MON2: variants seen among roughly 807,000 people sequenced by gnomAD.
The protein encoded by MON2 is protein MON2 homolog.
MON2 carries 84 observed loss-of-function variants against 208.6 expected under a neutral mutation model. The observed-to-expected ratio is 0.40, with a 90% CI of 0.34 to 0.48. The LOEUF is 0.48. MON2 is among the 20% of genes least tolerant of loss of function. The pLI, the probability that MON2 is intolerant of heterozygous loss-of-function variation, is 0.59. For synonymous variants in MON2, 660 were observed against 694.0 expected, an observed-to-expected ratio of 0.95 and a Z score of 0.77; for missense variants, 1,611 against 2,015.4, an observed-to-expected ratio of 0.80 and a Z score of 3.84.
intron 23 of MON2, among the ~76,000 whole-genome samples, chr12:62,550,514 C>G (rs1209021628): frequency 3.3e-5 from 5 of 152,042 alleles, no homozygotes; most frequent in Non-Finnish European, 7.4e-5. Flanking sequence ...AGACCCAGAC[C>G]TTGTCTCTGT....
chr12:62,488,270 G>A (rs980264327), intron 2 of MON2, among the ~76,000 whole-genome samples: 3 of 152,146 alleles, frequency 2.0e-5, no homozygotes, highest in Non-Finnish European at 4.4e-5. Flanking sequence ...TTGTTATGGG[G>A]ACATAAGGAA....
intron 11 of MON2, among the ~76,000 whole-genome samples, chr12:62,530,659 T>C (rs1323064700): frequency 6.6e-6 from 1 of 152,238 alleles, no homozygotes; most frequent in African/African-American, 2.4e-5. Context: ...TGGGTTATTT[T>C]CACTTTTGTT....
Position 62,486,244 on chromosome 12 carries a change from A to T in MON2, c.175+2011A>T, listed in dbSNP as rs189986245. Among the ~76,000 whole-genome samples, 388 of 151,910 alleles carry T rather than the reference A, an allele frequency of 2.6e-3. 2 individuals are homozygous for T. The highest frequency in any genetic ancestry group is 8.8e-3 in the African/African-American group (366 of 41,492). ...TTTTTATTGGTTTTATAGTTTGTGG[A>T]AGACTTTTTTTAAAAAAAGACTGAT... On this transcript the variant is annotated intron_variant, in intron 2 of 34. Transcript: ENST00000393630.
intron 1 of MON2, among the ~76,000 whole-genome samples, chr12:62,469,711 C>T (rs376037678): frequency 9.9e-5 from 15 of 151,940 alleles, no homozygotes; most frequent in East Asian, 7.7e-4. Context: ...CAGATTTTGG[C>T]TTTTGTTCTT....
At chr12:62,586,729 C>G (rs2075231335) in intron 33 of MON2, among the ~76,000 whole-genome samples, 1 of 151,972 alleles carries the variant, frequency 6.6e-6, no homozygotes, top group South Asian at 2.1e-4. Context: ...CTGAAGTATA[C>G]TTGGAAATGT....
At chr12:62,499,138 T>C in intron 5 of MON2, 90 bp downstream of exon 5, 1 of 1,322,420 alleles carries the variant, frequency 7.6e-7, no homozygotes, top group Non-Finnish European at 1.0e-6. Context: ...ATGATCAACA[T>C]TATTATGTCT....
At position 62,500,793 on chromosome 12, in the gene MON2, A is replaced by C; in HGVS notation, c.576A>C (p.Glu192Asp). ...AEDERHRDII[E>D]QPVLVQGNSN... is the part of the protein sequence containing the mutation. ...CTGTTTTGATTGCAGATATTATAGA[A>C]CAACCAGTACTGGTACAAGGAAATA... Residue 192 changes from glutamate (E) to aspartate (D), a missense_variant, in exon 6 of 35, where the codon GAA becomes GAC. By Grantham distance (45) the Glu-to-Asp change is conservative (BLOSUM62 2). Coordinates refer to ENST00000393630, the MANE Select transcript of MON2 (RefSeq NM_015026.3). 1 of 1,577,182 alleles carries C rather than the reference A, an allele frequency of 6.3e-7. No homozygotes were observed. Among genetic ancestry groups the C allele is most frequent in the Non-Finnish European group, 8.6e-7 (1 of 1,160,150 alleles).
chr12:62,508,371 G>C lies in MON2; in HGVS notation c.875G>C (p.Gly292Ala). The C allele has an allele frequency of 6.2e-7, 1 of 1,613,930 alleles. No homozygotes were observed. The highest frequency in any genetic ancestry group is 8.5e-7 in the Non-Finnish European group (1 of 1,179,886). Residue 292 changes from glycine to alanine, a missense_variant, in exon 8 of 35, where the codon GGT becomes GCT. Gly to Ala is a moderately conservative substitution (Grantham distance 60, BLOSUM62 0). Transcript: ENST00000393630. ...LFSPNIKFRQ[G>A]SSTSSSPAPV... ...TCTCCAAATATAAAGTTCAGACAAG[G>C]TTCCAGCACCTCATCTTCTCCAGCA...
intron 30 of MON2, 89 bp from the exon 31 acceptor site, chr12:62,578,356 T>A (rs2074868070): frequency 1.2e-6 from 1 of 851,566 alleles, no homozygotes; most frequent in Non-Finnish European, 1.8e-6. Flanking sequence ...GAAGACATAA[T>A]TTTTTGACAT....
rs1302048286 is a variant in MON2, at chr12:62,599,110, C to G, written c.*6361C>G. The G allele has an allele frequency of 2.3e-5, 3 of 127,922 alleles. No individual in the cohort carries two copies. The highest frequency in any genetic ancestry group is 7.5e-5 in the Admixed American group (1 of 13,352). The allele number at this position is 127,922 out of a possible 1,614,324, so 7.9% of individuals were successfully genotyped here. On this transcript the variant is annotated 3_prime_UTR_variant, in exon 35 of 35. Transcript: ENST00000393630. ...GTGAGTCACATGTTTAGGATGATCA[C>G]TTTGGGAAAAAAAAAATTATAGAGT...
At chr12:62,531,364 A>G (rs2072634259) in intron 11 of MON2, among the ~76,000 whole-genome samples, 1 of 152,160 alleles carries the variant, frequency 6.6e-6, no homozygotes, top group African/African-American at 2.4e-5. Context: ...TCTTACATTT[A>G]GATCATTGAT....
chr12:62,570,550 T>C (rs576735483), intron 29 of MON2, among the ~76,000 whole-genome samples: 1 of 152,158 alleles, frequency 6.6e-6, no homozygotes, highest in African/African-American at 2.4e-5. Context: ...CTGAACATCA[T>C]AGTGTACTTA....
intron 20 of MON2, 137 bp from the exon 21 acceptor site, chr12:62,544,761 T>C: frequency 1.3e-6 from 2 of 1,534,382 alleles, no homozygotes; most frequent in Non-Finnish European, 1.8e-6. Context: ...CTTGCCCTTA[T>C]TCAGAAGGTA....
intron 24 of MON2, among the ~76,000 whole-genome samples, chr12:62,553,902 G>A (rs1263930732): frequency 6.6e-6 from 1 of 151,944 alleles, no homozygotes; most frequent in Non-Finnish European, 1.5e-5. Flanking sequence ...AAAATTAATG[G>A]GCTGGGCATG....
chr12:62,595,119 A>G lies in MON2; in HGVS notation c.*2370A>G, dbSNP rs1379388904. Reference sequence around the variant, plus strand: ...AGCAGTAGTAAAAATGTCCTTTGTCATACTTACTAGAAATACTATGAGTTT... The same window carrying G: ...AGCAGTAGTAAAAATGTCCTTTGTCGTACTTACTAGAAATACTATGAGTTT... On this transcript the variant is annotated 3_prime_UTR_variant, in exon 35 of 35. Transcript: ENST00000393630. 6.6e-6 allele frequency: 1 copy of G among 151,836 alleles called. No individual in the cohort carries two copies. Among genetic ancestry groups the G allele is most frequent in the African/African-American group, 2.4e-5 (1 of 41,330 alleles). 9.4% of individuals were successfully genotyped at this position (151,836 alleles called of 1,614,324 possible). A position where few individuals can be genotyped will look rare whatever the true frequency, so the allele number is the denominator to read the frequency against.
At chr12:62,561,266 T>G (rs1222187191) in intron 26 of MON2, among the ~76,000 whole-genome samples, 153 bp downstream of exon 26, 1 of 152,208 alleles carries the variant, frequency 6.6e-6, no homozygotes, top group Non-Finnish European at 1.5e-5. Context: ...ATCTAGGTAT[T>G]TTGAAAACTT....
chr12:62,588,288 C>A, intron 34 of MON2, 132 bp downstream of exon 34: 1 of 598,894 alleles, frequency 1.7e-6, no homozygotes, highest in Non-Finnish European at 2.9e-6. Context: ...GTTCTCATGA[C>A]AACAAAGCAT....
At chr12:62,534,104 A>G (rs2072787037) in intron 12 of MON2, among the ~76,000 whole-genome samples, 1 of 152,148 alleles carries the variant, frequency 6.6e-6, no homozygotes, top group Non-Finnish European at 1.5e-5. Flanking sequence ...AAAGGAAAGG[A>G]TATCAGCTGG....
intron 11 of MON2, among the ~76,000 whole-genome samples, chr12:62,529,804 TCA>T (rs34418230): frequency 0.01 from 1,575 of 152,328 alleles, 14 homozygotes; most frequent in Non-Finnish European, 0.015. Context: ...ATAAATGGAA[TCA>T]CACAATAAAT....
Sources: allele counts gnomAD v4.1 joint callset (sites outside exome capture counted in the v4.1 genomes callset), GRCh38; gene constraint gnomAD v4.1.1; transcripts MANE v1.5; gene names NCBI Gene and HGNC (gene_info 2026-07-23, HGNC 2026-07-21).